ZNF385D: variants seen among roughly 807,000 people sequenced by gnomAD.
ZNF385D encodes the protein zinc finger protein 385D.
ZNF385D carries 15 observed loss-of-function variants against 35.8 expected under a neutral mutation model. The ratio of observed to expected loss-of-function variants is 0.42; its 90% CI spans 0.28 to 0.64. The LOEUF is 0.64. Ranked by LOEUF, ZNF385D falls within the 30% of genes least tolerant of loss-of-function variation. The pLI, the probability that ZNF385D is intolerant of heterozygous loss-of-function variation, is 0.23. For missense variants in ZNF385D, 474 were observed against 494.6 expected (o/e 0.96, Z 0.39); for synonymous variants, 212 against 186.8 (o/e 1.13, Z -1.10).
At chr3:21,942,483 G>A (rs1701569561) in intron 3 of ZNF385D, 2 of 152,156 alleles carry the variant, frequency 1.3e-5, no homozygotes, top group South Asian at 4.1e-4. Context: ...GTGGCCACGA[G>A]GACACAAGAA....
intron 2 of ZNF385D, among the ~76,000 whole-genome samples, chr3:22,206,199 T>A (rs1441075566): frequency 6.6e-6 from 1 of 151,798 alleles, no homozygotes; most frequent in Admixed American, 6.6e-5. Context: ...CATTATACAA[T>A]GATAAAGGAA....
intron 3 of ZNF385D, among the ~76,000 whole-genome samples, chr3:21,931,734 G>T (rs1701017910): frequency 6.6e-6 from 1 of 152,072 alleles, no homozygotes; most frequent in African/African-American, 2.4e-5. Context: ...GGTATTTGGG[G>T]GATGATAGAT....
At chr3:21,979,720 G>A (rs1487246228) in intron 3 of ZNF385D, 2 of 152,178 alleles carry the variant, frequency 1.3e-5, no homozygotes, top group Non-Finnish European at 2.9e-5. Flanking sequence ...GAAGAATGAG[G>A]TCTTTGCAGA....
chr3:22,350,017 AGTTTG>A (rs1695845086), intron 2 of ZNF385D, among the ~76,000 whole-genome samples: 1 of 152,190 alleles, frequency 6.6e-6, no homozygotes, highest in African/African-American at 2.4e-5. Flanking sequence ...ATGAATATAG[AGTTTG>A]GTTTAATTGT....
chr3:21,414,702 A>G lies in ZNF385D; in HGVS notation c.*6512T>C, dbSNP rs576853398. The G allele has an allele frequency of 2.9e-4, 44 of 152,234 alleles. No individual in the cohort carries two copies. Among genetic ancestry groups the G allele is most frequent in the African/African-American group, 1.0e-3 (42 of 41,554 alleles). 9.4% of individuals were successfully genotyped at this position (152,234 alleles called of 1,614,324 possible). A position where few individuals can be genotyped will look rare whatever the true frequency, so the allele number is the denominator to read the frequency against. ...TCGTAGATGATTGGTAGTGAAGCCA[A>G]CAACTGTGTTCACTGTTCTGTGATG... On this transcript the variant is annotated 3_prime_UTR_variant, in exon 8 of 8. Transcript: ENST00000281523.
Position 22,130,616 on chromosome 3 carries a change from C to A in ZNF385D, c.325+38201G>T, listed in dbSNP as rs559724412. Reference sequence around the variant, plus strand: ...CAAACTTCCAATTTCCCAGTGAAAACTTCACTACATTTTCCTTCCCCCAAG... The same window carrying A: ...CAAACTTCCAATTTCCCAGTGAAAAATTCACTACATTTTCCTTCCCCCAAG... On this transcript the variant is annotated intron_variant, in intron 3 of 5. Coordinates refer to the ZNF385D transcript ENST00000494108. Among the ~76,000 whole-genome samples the A allele has an allele frequency of 3.5e-4, 54 of 152,292 alleles. No homozygotes were observed. In the South Asian group the frequency reaches 0.011, roughly 32 times the overall value.
intron 3 of ZNF385D, among the ~76,000 whole-genome samples, chr3:21,896,523 TG>T (rs1455688616): frequency 6.6e-6 from 1 of 152,166 alleles, no homozygotes; most frequent in Non-Finnish European, 1.5e-5. Flanking sequence ...AGGTGGGGCC[TG>T]GGCCTTTTTT....
chr3:22,252,669 G>A (rs1700122246), intron 2 of ZNF385D, among the ~76,000 whole-genome samples: 2 of 152,082 alleles, frequency 1.3e-5, no homozygotes, highest in Admixed American at 6.6e-5. Context: ...AAGCAGAGAA[G>A]CTGGCTTTGG....
At chr3:22,268,221 TA>T (rs1700992978) in intron 2 of ZNF385D, among the ~76,000 whole-genome samples, 1 of 151,938 alleles carries the variant, frequency 6.6e-6, no homozygotes. Context: ...ATGCTGTCAT[TA>T]GGGGCACACA....
At chr3:21,504,500 T>G (rs1321313331) in intron 4 of ZNF385D, among the ~76,000 whole-genome samples, 1 of 152,132 alleles carries the variant, frequency 6.6e-6, no homozygotes, top group Non-Finnish European at 1.5e-5. Flanking sequence ...CTTACTATCT[T>G]TTATATAAAA....
intron 3 of ZNF385D, among the ~76,000 whole-genome samples, chr3:21,865,904 T>C (rs1037387544): frequency 5.3e-5 from 8 of 152,122 alleles, no homozygotes; most frequent in South Asian, 2.1e-4. Context: ...CTGTTTGGGT[T>C]GACAGATGCT....
chr3:22,135,932 AAAT>A (rs1704072991), intron 3 of ZNF385D, among the ~76,000 whole-genome samples: 1 of 152,208 alleles, frequency 6.6e-6, no homozygotes. Flanking sequence ...CCACAGGCAA[AAAT>A]AATAACTTTA....
At chr3:21,867,961 A>C (rs1157053368) in intron 3 of ZNF385D, among the ~76,000 whole-genome samples, 1 of 152,172 alleles carries the variant, frequency 6.6e-6, no homozygotes, top group East Asian at 1.9e-4. Flanking sequence ...AGTGGCCACT[A>C]TATTGACCAG....
chr3:22,003,353 T>C (rs1282250030), intron 3 of ZNF385D, among the ~76,000 whole-genome samples: 1 of 152,076 alleles, frequency 6.6e-6, no homozygotes. Context: ...ATAATTCCTG[T>C]GAATAAATTT....
intron 3 of ZNF385D, among the ~76,000 whole-genome samples, chr3:22,110,030 T>A (rs1702429048): frequency 6.6e-6 from 1 of 151,826 alleles, no homozygotes; most frequent in African/African-American, 2.4e-5. Context: ...AAAAGACACA[T>A]GAAAAAATGC....
intron 3 of ZNF385D, among the ~76,000 whole-genome samples, chr3:22,136,143 G>C (rs1704085756): frequency 6.6e-6 from 1 of 152,164 alleles, no homozygotes; most frequent in African/African-American, 2.4e-5. Flanking sequence ...TAGCACTTTG[G>C]GAGGCCAAGG....
chr3:21,683,272 T>G (rs542702925), intron 1 of ZNF385D, among the ~76,000 whole-genome samples: 1 of 149,788 alleles, frequency 6.7e-6, no homozygotes, highest in Non-Finnish European at 1.5e-5. Context: ...CCCTACATCA[T>G]CTGTAGGACT....
chr3:21,884,248 G>A (rs148342526), intron 3 of ZNF385D, among the ~76,000 whole-genome samples: 2 of 152,092 alleles, frequency 1.3e-5, no homozygotes, highest in East Asian at 1.9e-4. Flanking sequence ...CCAGAATGTT[G>A]TTAAACTGAA....
At chr3:22,172,558 A>T (rs1053581323) in intron 2 of ZNF385D, among the ~76,000 whole-genome samples, 4 of 152,184 alleles carry the variant, frequency 2.6e-5, no homozygotes, top group Non-Finnish European at 5.9e-5. Flanking sequence ...GACTGCCCTG[A>T]GAAGTGCTCA....
Sources: allele counts gnomAD v4.1 joint callset (sites outside exome capture counted in the v4.1 genomes callset), GRCh38; gene constraint gnomAD v4.1.1; transcripts MANE v1.5; gene names NCBI Gene and HGNC (gene_info 2026-07-23, HGNC 2026-07-21).